KPNA1: variants seen among roughly 807,000 people sequenced by gnomAD.
KPNA1 encodes the protein karyopherin subunit alpha 1.
In KPNA1, 10 loss-of-function variants were observed where a neutral mutation model predicts 70.5. The ratio of observed to expected loss-of-function variants is 0.14; its 90% CI spans 0.09 to 0.24. The LOEUF (loss-of-function observed/expected upper bound fraction) is 0.24, where lower values mean the gene tolerates loss of function less well. Among genes scored for constraint, KPNA1 ranks in the 10% least tolerant of loss-of-function variants. The probability of loss-of-function intolerance (pLI) is 1.00; values close to 1 mark genes in which losing one functional copy is unlikely to be tolerated. For missense variants in KPNA1, 397 were observed against 637.9 expected (o/e 0.62, Z 4.07); for synonymous variants, 192 against 221.9 (o/e 0.87, Z 1.20).
chr3:122,500,042 G>C (rs1293568998), intron 1 of KPNA1, among the ~76,000 whole-genome samples: 1 of 152,064 alleles, frequency 6.6e-6, no homozygotes, highest in Non-Finnish European at 1.5e-5. Flanking sequence ...AGTCAGTTTT[G>C]GTAGTTTTTG....
chr3:122,475,882 T>C (rs2076492398), intron 2 of KPNA1, among the ~76,000 whole-genome samples: 11 of 152,106 alleles, frequency 7.2e-5, no homozygotes, highest in Admixed American at 6.5e-4. Flanking sequence ...AAGTGGATCA[T>C]CATAAGGGCC....
At chr3:122,470,443 T>A (rs930696206) in intron 2 of KPNA1, among the ~76,000 whole-genome samples, 1 of 151,026 alleles carries the variant, frequency 6.6e-6, no homozygotes, top group Non-Finnish European at 1.5e-5. Context: ...ACCCGGGGGG[T>A]GGAGCTTGCA....
At chr3:122,488,984 T>C (rs1282467716) in intron 2 of KPNA1, among the ~76,000 whole-genome samples, 5 of 151,654 alleles carry the variant, frequency 3.3e-5, no homozygotes, top group African/African-American at 1.2e-4. Flanking sequence ...CTCTTTTCCT[T>C]TACGGACTCC....
intron 1 of KPNA1, among the ~76,000 whole-genome samples, chr3:122,501,058 TCA>T (rs1268116117): frequency 1.4e-5 from 2 of 145,890 alleles, no homozygotes; most frequent in Non-Finnish European, 3.0e-5. Flanking sequence ...AGACAGAGTC[TCA>T]CTCTATTGCC....
At chr3:122,501,673 A>G (rs958482669) in intron 1 of KPNA1, among the ~76,000 whole-genome samples, 1 of 152,118 alleles carries the variant, frequency 6.6e-6, no homozygotes, top group African/African-American at 2.4e-5. Context: ...GGATATACAT[A>G]TTTCTATTTG....
chr3:122,455,892 G>A (rs542836713), intron 5 of KPNA1, among the ~76,000 whole-genome samples: 2 of 152,190 alleles, frequency 1.3e-5, no homozygotes, highest in African/African-American at 4.8e-5. Flanking sequence ...CATACTCGCA[G>A]ATGATCCCTA....
intron 9 of KPNA1, among the ~76,000 whole-genome samples, chr3:122,445,797 A>G (rs1401687360): frequency 4.6e-5 from 7 of 152,202 alleles, no homozygotes; most frequent in African/African-American, 1.7e-4. Flanking sequence ...AGAGACACAC[A>G]TAGGCTCAAA....
At chr3:122,488,716 T>C (rs1171386885) in intron 2 of KPNA1, among the ~76,000 whole-genome samples, 1 of 152,192 alleles carries the variant, frequency 6.6e-6, no homozygotes, top group Non-Finnish European at 1.5e-5. Context: ...TTCTGGCTTG[T>C]ATTGTTTACA....
rs10662409 is a variant in KPNA1, at chr3:122,430,515, A to AGTGTGTGTGTGTGTGTGTGTGTGTGTGT, written c.1251-2827_1251-2800dup. ...TGAGGACTTCCTATACTGTACTACC[A>AGTGTGTGTGTGTGTGTGTGTGTGTGTGT]GTGTGTGTGTGTGTGTGTGTGTGTG... On this transcript the variant is annotated intron_variant, in intron 12 of 13. Transcript: ENST00000344337. 8.5e-3 allele frequency among the ~76,000 whole-genome samples: 1,205 copies of AGTGTGTGTGTGTGTGTGTGTGTGTGTGT among 141,358 alleles called. 12 individuals are homozygous for AGTGTGTGTGTGTGTGTGTGTGTGTGTGT. Among genetic ancestry groups the AGTGTGTGTGTGTGTGTGTGTGTGTGTGT allele is most frequent in the Middle Eastern group, 0.018 (5 of 282 alleles). The allele number at this position is 141,358 out of a possible 152,430, so 92.7% of individuals were successfully genotyped here. A position where few individuals can be genotyped will look rare whatever the true frequency, so the allele number is the denominator to read the frequency against.
chr3:122,509,011 C>A (rs1456592572), intron 1 of KPNA1, among the ~76,000 whole-genome samples: 2 of 151,994 alleles, frequency 1.3e-5, no homozygotes, highest in Admixed American at 1.3e-4. Context: ...TTTGGGAAGC[C>A]GAGGAGGGTG....
chr3:122,503,633 A>C (rs1026456018), intron 1 of KPNA1, among the ~76,000 whole-genome samples: 16 of 152,200 alleles, frequency 1.1e-4, no homozygotes, highest in African/African-American at 3.9e-4. Context: ...ATGTAAAAGC[A>C]TACTTCCCAC....
rs1258890258 is a variant in KPNA1 at position 122,423,886 on chromosome 3, T to C, written c.*3099A>G. ...TATGGAAGAAACAATCCTAGGGCAA[T>C]AGTTTTTTCAAAAGCGGAACTGACA... On this transcript the variant is annotated 3_prime_UTR_variant, in exon 14 of 14. Transcript: ENST00000344337. 3 of 152,360 alleles carry C rather than the reference T, an allele frequency of 2.0e-5. No individual in the cohort carries two copies. Among genetic ancestry groups the C allele is most frequent in the East Asian group, 1.9e-4 (1 of 5,204 alleles). 9.4% of individuals were successfully genotyped at this position (152,360 alleles called of 1,614,324 possible). A position where few individuals can be genotyped will look rare whatever the true frequency, so the allele number is the denominator to read the frequency against.
At chr3:122,510,294 CAA>C (rs1029966229) in intron 1 of KPNA1, among the ~76,000 whole-genome samples, 1 of 152,028 alleles carries the variant, frequency 6.6e-6, no homozygotes, top group Non-Finnish European at 1.5e-5. Flanking sequence ...GGAACCAGTA[CAA>C]AAGAGGGCAA....
In KPNA1 at chr3:122,433,728, G is replaced by A; in HGVS notation, c.1183C>T (p.Arg395Trp). The A allele has an allele frequency of 6.2e-7, 1 of 1,613,356 alleles. No homozygotes were observed. The highest frequency in any genetic ancestry group is 8.5e-7 in the Non-Finnish European group (1 of 1,179,566). The stretch of plus-strand genomic sequence containing the variant: ...GCCCAAGCTGCTTCTTTTCTTGTCC[G>A]AAATTCAGCAGTTTGTAAAATACTA... ...LISILQTAEF[R>W]TRKEAAWAIT... The change falls in exon 12 of 14, where the codon CGG (arginine) becomes TGG (tryptophan). Residue 395 changes from arginine to tryptophan, a missense_variant. Arg to Trp is a moderately radical substitution (Grantham distance 101, BLOSUM62 -3). Transcript: ENST00000344337.
At chr3:122,474,917 G>A (rs923118554) in intron 2 of KPNA1, among the ~76,000 whole-genome samples, 2 of 152,156 alleles carry the variant, frequency 1.3e-5, no homozygotes, top group African/African-American at 4.8e-5. Context: ...ACAGTGAAAA[G>A]TTGAAAGCTT....
intron 2 of KPNA1, among the ~76,000 whole-genome samples, chr3:122,482,469 T>C (rs2076582746): frequency 6.6e-6 from 1 of 152,194 alleles, no homozygotes. Context: ...TTTTTATTAT[T>C]TTCATTCAAC....
rs1485398787 is a variant in KPNA1 at position 122,422,713 on chromosome 3, C to G, written c.*4272G>C. 2.0e-5 allele frequency: 3 copies of G among 152,210 alleles called. No individual in the cohort carries two copies. Among genetic ancestry groups the G allele is most frequent in the Non-Finnish European group, 2.9e-5 (2 of 68,046 alleles). The allele number at this position is 152,210 out of a possible 1,614,324, so 9.4% of individuals were successfully genotyped here. ...CAAAGTAATTTCTCGTAAGTCTTCA[C>G]TTTGTCATCTATAATATAGTGACAA... On this transcript the variant is annotated 3_prime_UTR_variant, in exon 14 of 14. Transcript: ENST00000344337.
intron 9 of KPNA1, among the ~76,000 whole-genome samples, chr3:122,443,928 A>G (rs2107729624): frequency 6.6e-6 from 1 of 152,346 alleles, no homozygotes; most frequent in Non-Finnish European, 1.5e-5. Flanking sequence ...TGTTTTCTAG[A>G]GCAGAAAACC....
intron 1 of KPNA1, among the ~76,000 whole-genome samples, chr3:122,507,831 A>C (rs2076907937): frequency 6.6e-6 from 1 of 152,152 alleles, no homozygotes. Context: ...AAAAATTTTT[A>C]ATCGCAAAAA....
Sources: allele counts gnomAD v4.1 joint callset (sites outside exome capture counted in the v4.1 genomes callset), GRCh38; gene constraint gnomAD v4.1.1; transcripts MANE v1.5; gene names NCBI Gene and HGNC (gene_info 2026-07-23, HGNC 2026-07-21).